Variants in DNAH14 observed in about 807,000 individuals in gnomAD.
DNAH14 encodes axonemal beta dynein heavy chain 14.
DNAH14 carries 478 observed loss-of-function variants against 520.9 expected under a neutral mutation model. That is an observed-to-expected ratio of 0.92 (90% CI 0.85 to 0.99). The LOEUF is 0.99. Ranked by LOEUF, DNAH14 falls within the 50% of genes least tolerant of loss-of-function variation. The probability of loss-of-function intolerance (pLI) is 0.00; values close to 1 mark genes in which losing one functional copy is unlikely to be tolerated. For missense variants in DNAH14, 4,831 were observed against 5,234.5 expected, an observed-to-expected ratio of 0.92 and a Z score of 2.38; for synonymous variants, 1,581 against 1,757.2, an observed-to-expected ratio of 0.90 and a Z score of 2.51.
intron 75 of DNAH14, among the ~76,000 whole-genome samples, chr1:225,362,090 C>T (rs983670194): frequency 1.3e-5 from 2 of 152,140 alleles, no homozygotes; most frequent in Non-Finnish European, 2.9e-5. Context: ...ACACCACGGA[C>T]CAGGCAAACA....
At chr1:225,104,870 T>A (rs2075876365) in intron 23 of DNAH14, among the ~76,000 whole-genome samples, 1 of 152,186 alleles carries the variant, frequency 6.6e-6, no homozygotes. Context: ...AAGGGTTTTT[T>A]ATGTCTCTAT....
chr1:225,287,656 A>G (rs2093777749), intron 54 of DNAH14, among the ~76,000 whole-genome samples: 1 of 152,170 alleles, frequency 6.6e-6, no homozygotes, highest in African/African-American at 2.4e-5. Context: ...AGTGATCTCC[A>G]GTAGCAATGA....
intron 55 of DNAH14, among the ~76,000 whole-genome samples, chr1:225,298,529 G>A (rs2094065186): frequency 6.6e-6 from 1 of 152,188 alleles, no homozygotes; most frequent in Non-Finnish European, 1.5e-5. Context: ...CCAATCCTGG[G>A]TCCAGGCTCT....
chr1:225,144,318 CTTGA>C, intron 28 of DNAH14, 75 bp from the exon 29 acceptor site: 1 of 1,104,040 alleles, frequency 9.1e-7, no homozygotes. Flanking sequence ...CATTTTTAAT[CTTGA>C]TTCTTTTTCT....
At chr1:225,158,770 C>T (rs2081274699) in intron 34 of DNAH14, among the ~76,000 whole-genome samples, 1 of 152,160 alleles carries the variant, frequency 6.6e-6, no homozygotes, top group Non-Finnish European at 1.5e-5. Flanking sequence ...AGGGTGACAG[C>T]AGTGGCAGTA....
intron 1 of DNAH14, among the ~76,000 whole-genome samples, chr1:224,944,382 T>C (rs2059647335): frequency 1.3e-5 from 2 of 152,230 alleles, no homozygotes; most frequent in African/African-American, 4.8e-5. Flanking sequence ...AGCCTATATG[T>C]GTCTCTGCAC....
chr1:225,144,300 C>A, intron 28 of DNAH14, 97 bp from the exon 29 acceptor site: 1 of 931,750 alleles, frequency 1.1e-6, no homozygotes, highest in Admixed American at 2.7e-5. Flanking sequence ...TTTTTTTAAT[C>A]AATGCTCCAT....
chr1:224,965,907 G>A (rs2061139516), intron 5 of DNAH14, among the ~76,000 whole-genome samples: 1 of 152,154 alleles, frequency 6.6e-6, no homozygotes, highest in African/African-American at 2.4e-5. Context: ...TCATTTGTGT[G>A]TGAAGAAAGG....
At chr1:225,324,696 C>A in intron 63 of DNAH14, 41 bp from the exon 64 acceptor site, 1 of 1,484,574 alleles carries the variant, frequency 6.7e-7, no homozygotes, top group South Asian at 1.3e-5. Flanking sequence ...ACAGTAAACC[C>A]GACGTTTTTG....
At chr1:225,125,440 C>T (rs191525783) in intron 27 of DNAH14, among the ~76,000 whole-genome samples, 1 of 152,318 alleles carries the variant, frequency 6.6e-6, no homozygotes, top group Non-Finnish European at 1.5e-5. Flanking sequence ...ACTGCAGCTT[C>T]CACATCAGCA....
At chr1:225,154,109 A>G (rs1212186342) in intron 34 of DNAH14, among the ~76,000 whole-genome samples, 2 of 152,118 alleles carry the variant, frequency 1.3e-5, no homozygotes, top group Admixed American at 1.3e-4. Flanking sequence ...TAATAACTCA[A>G]TGAGAAATGT....
intron 8 of DNAH14, among the ~76,000 whole-genome samples, chr1:224,995,084 G>A (rs994738010): frequency 2.0e-5 from 3 of 152,098 alleles, no homozygotes; most frequent in South Asian, 2.1e-4. Context: ...TGCTTTACAC[G>A]TTACCATTGT....
intron 17 of DNAH14, 142 bp from the exon 18 acceptor site, chr1:225,079,065 A>AG: frequency 2.7e-6 from 2 of 750,786 alleles, no homozygotes; most frequent in Non-Finnish European, 4.3e-6. Flanking sequence ...TCTTTATAGC[A>AG]GTGTGAGAAC....
intron 3 of DNAH14, among the ~76,000 whole-genome samples, chr1:224,957,832 A>G (rs1187833128): frequency 2.0e-5 from 3 of 152,160 alleles, no homozygotes; most frequent in Non-Finnish European, 4.4e-5. Flanking sequence ...AAATAGAGTT[A>G]GTGACTATAT....
chr1:225,381,517 A>G lies in DNAH14; in HGVS notation c.13015A>G (p.Thr4339Ala). ...TGCTATAAAAGGAGAGATCATCCTC[A>G]CCCAAGAATTGGAGGAAATATTTAA... Reference protein sequence around the residue: ...QLAIKGEIILTQELEEIFNSF... With the variant: ...QLAIKGEIILAQELEEIFNSF... Residue 4339 changes from threonine to alanine, a missense_variant, in exon 81 of 86, where the codon ACC becomes GCC. By Grantham distance (58) the Thr-to-Ala change is moderately conservative. Transcript: ENST00000682510. 2 of 1,548,228 alleles carry G rather than the reference A, an allele frequency of 1.3e-6. No homozygotes were observed. Among genetic ancestry groups the G allele is most frequent in the South Asian group, 2.4e-5 (2 of 83,204 alleles).
chr1:225,092,272 T>G (rs552805903), intron 21 of DNAH14, among the ~76,000 whole-genome samples: 1 of 150,698 alleles, frequency 6.6e-6, no homozygotes. Context: ...TCTTCTCATA[T>G]GAACATGGCA....
chr1:225,296,787 G>A (rs1265228110), intron 55 of DNAH14, among the ~76,000 whole-genome samples: 1 of 152,128 alleles, frequency 6.6e-6, no homozygotes, highest in African/African-American at 2.4e-5. Context: ...GTTTCCTTCA[G>A]TTCTTTGACT....
At chr1:225,086,286 C>T (rs1198854390) in intron 21 of DNAH14, among the ~76,000 whole-genome samples, 3 of 130,154 alleles carry the variant, frequency 2.3e-5, no homozygotes, top group Non-Finnish European at 5.2e-5. Context: ...GTGCCCGCCA[C>T]GACGCCCGGC....
intron 17 of DNAH14, among the ~76,000 whole-genome samples, chr1:225,060,126 G>A (rs1034281226): frequency 1.8e-4 from 28 of 152,198 alleles, no homozygotes; most frequent in African/African-American, 2.2e-4. Context: ...AGTGTTTTCC[G>A]ACTTGGTTCC....
Sources: gnomAD v4.1 joint callset for allele counts (sites outside exome capture counted in the v4.1 genomes callset) on GRCh38, gnomAD v4.1.1 for gene constraint, MANE v1.5 for transcripts, NCBI Gene and HGNC (gene_info 2026-07-23, HGNC 2026-07-21) for gene names.